PLEKHA6: variants seen among roughly 807,000 people sequenced by gnomAD.
PLEKHA6 encodes the protein pleckstrin homology domain-containing family A member 6.
Under a neutral mutation model 116.7 loss-of-function variants are expected in PLEKHA6, and 60 were observed. The ratio of observed to expected loss-of-function variants is 0.51; its 90% CI spans 0.42 to 0.64. The LOEUF is 0.64. Ranked by LOEUF, PLEKHA6 falls within the 30% of genes least tolerant of loss-of-function variation. The pLI, the probability that PLEKHA6 is intolerant of heterozygous loss-of-function variation, is 0.00. For missense variants in PLEKHA6, 1,338 were observed against 1,422.7 expected (o/e 0.94, Z 0.96); for synonymous variants, 489 against 556.1 (o/e 0.88, Z 1.70).
intron 21 of PLEKHA6, among the ~76,000 whole-genome samples, chr1:204,226,897 C>T (rs1274823580): frequency 6.6e-6 from 1 of 152,238 alleles, no homozygotes; most frequent in Non-Finnish European, 1.5e-5. Flanking sequence ...CACAGCGCTA[C>T]TGCTACTGTC....
At chr1:204,312,720 A>C (rs553576695) in intron 1 of PLEKHA6, among the ~76,000 whole-genome samples, 8 of 152,212 alleles carry the variant, frequency 5.3e-5, no homozygotes, top group Non-Finnish European at 1.0e-4. Flanking sequence ...TGCTGGGGAC[A>C]GGCACAGAAG....
intron 1 of PLEKHA6, among the ~76,000 whole-genome samples, chr1:204,326,619 C>T (rs1672253352): frequency 6.6e-6 from 1 of 152,206 alleles, no homozygotes; most frequent in Admixed American, 6.5e-5. Flanking sequence ...ATCATTGAGC[C>T]TTACACCCTC....
At chr1:204,321,613 C>T (rs994630695) in intron 1 of PLEKHA6, among the ~76,000 whole-genome samples, 8 of 152,022 alleles carry the variant, frequency 5.3e-5, no homozygotes, top group Non-Finnish European at 8.8e-5. Context: ...CCTGACCCTA[C>T]AGCCACTTTT....
At chr1:204,361,894 G>A (rs1673568086), upstream of PLEKHA6, among the ~76,000 whole-genome samples, 1 of 152,342 alleles carries the variant, frequency 6.6e-6, no homozygotes, top group East Asian at 1.9e-4. Flanking sequence ...GGGGGACAGA[G>A]ACCCCAGCCC....
intron 6 of PLEKHA6, among the ~76,000 whole-genome samples, chr1:204,264,313 C>T (rs762643243): frequency 5.9e-5 from 9 of 152,130 alleles, no homozygotes; most frequent in Non-Finnish European, 8.8e-5. Flanking sequence ...ACATCTTTAA[C>T]GGGTGGCTCC....
At chr1:204,372,179 C>T (rs949139685) in intron 1 of PLEKHA6, among the ~76,000 whole-genome samples, 1 of 152,180 alleles carries the variant, frequency 6.6e-6, no homozygotes, top group African/African-American at 2.4e-5. Context: ...GATTATGAAT[C>T]GAGGTTCAGA....
At chr1:204,283,425 G>A (rs1286283650) in intron 1 of PLEKHA6, among the ~76,000 whole-genome samples, 1 of 152,204 alleles carries the variant, frequency 6.6e-6, no homozygotes. Flanking sequence ...AGAGAGCAGA[G>A]GAAGAAAGGT....
chr1:204,254,525 C>T (rs1296734897), intron 9 of PLEKHA6, among the ~76,000 whole-genome samples: 3 of 152,086 alleles, frequency 2.0e-5, no homozygotes, highest in African/African-American at 4.8e-5. Flanking sequence ...TTAGATGTTT[C>T]CTCAGCTGTA....
Position 204,245,675 on chromosome 1 carries a change from C to T in PLEKHA6, c.1972G>A (p.Val658Met), listed in dbSNP as rs145603425. 7 of 1,613,732 alleles carry T rather than the reference C, an allele frequency of 4.3e-6. No individual in the cohort carries two copies. The highest frequency in any genetic ancestry group is 4.5e-5 in the East Asian group (2 of 44,894). The part of the protein sequence containing the change: ...IQKEIWRIQD[V>M]MEGLRKNNPS... ...TTGTTCTTCCTCAGCCCCTCCATCA[C>T]GTCCTGGATCCTCCAGATCTCCTTT... The change falls in exon 14 of 23, where the codon GTG becomes ATG. Residue 658 changes from valine to methionine, a missense_variant. Val to Met is a conservative substitution (Grantham distance 21, BLOSUM62 1). This residue lies in a region of PLEKHA6 where 1,136 missense variants were observed against 1,163.6 expected (regional missense o/e 0.98). Transcript: ENST00000272203.
intron 1 of PLEKHA6, among the ~76,000 whole-genome samples, chr1:204,291,709 T>C (rs987720161): frequency 1.1e-4 from 17 of 152,188 alleles, no homozygotes; most frequent in Non-Finnish European, 2.4e-4. Flanking sequence ...TTCCATTATA[T>C]AAAATTCTTA....
intron 8 of PLEKHA6, among the ~76,000 whole-genome samples, chr1:204,258,803 A>G (rs1558083649): frequency 6.6e-6 from 1 of 152,248 alleles, no homozygotes; most frequent in Non-Finnish European, 1.5e-5. Flanking sequence ...CATATAAATC[A>G]TGGCTTTAAA....
At chr1:204,226,374 G>A (rs561440361) in intron 21 of PLEKHA6, among the ~76,000 whole-genome samples, 61 of 152,312 alleles carry the variant, frequency 4.0e-4, no homozygotes, top group African/African-American at 1.4e-3. Context: ...GTTTTCATGG[G>A]ACCTTTGGCT....
At position 204,255,289 on chromosome 1, in the gene PLEKHA6, G is replaced by A. The variant is rs141546135; in HGVS notation, c.1524+2064C>T. ...TTTAGGCCCAGCCTAGAGCTCCCTCGACTCTGCGACTCCCTCCTCTCGCCA... is the reference window on the plus strand; with the variant it reads ...TTTAGGCCCAGCCTAGAGCTCCCTCAACTCTGCGACTCCCTCCTCTCGCCA... On this transcript the variant is annotated intron_variant, in intron 9 of 22. Transcript: ENST00000272203. Among the ~76,000 whole-genome samples, 200 of 152,182 alleles carry A rather than the reference G, an allele frequency of 1.3e-3. 3 individuals are homozygous for A. The highest frequency in any genetic ancestry group is 4.7e-3 in the African/African-American group (196 of 41,512).
intron 1 of PLEKHA6, chr1:204,347,310 T>C: frequency 1.2e-6 from 1 of 801,872 alleles, no homozygotes; most frequent in Non-Finnish European, 2.1e-6. Context: ...TCCCATTTGC[T>C]TTTGAAAGAA....
Position 204,257,784 on chromosome 1 carries a change from A to G in PLEKHA6, c.1093T>C (p.Tyr365His), listed in dbSNP as rs1405719266. 1 of 1,613,900 alleles carries G rather than the reference A, an allele frequency of 6.2e-7. No homozygotes were observed. The highest frequency in any genetic ancestry group is 1.3e-5 in the African/African-American group (1 of 74,916). ...CTCTCCGGCCGCACTCCTGGCGGGT[A>G]GTACTGATAATCATCGGGGTACTGG... The part of the protein sequence containing the change: ...SSQYPDDYQY[Y>H]PPGVRPESIC... Residue 365 changes from tyrosine to histidine, a missense_variant, in exon 9 of 23, where the codon TAC becomes CAC. Physicochemically the swap from Tyr to His is moderately conservative, Grantham distance 83 (BLOSUM62 2). Transcript: ENST00000272203. This position sits in a 1 kb window ranked among gnomAD's most constrained non-coding sequence, Gnocchi z 6.5.
At chr1:204,334,912 A>G (rs1484180348) in intron 1 of PLEKHA6, among the ~76,000 whole-genome samples, 2 of 152,100 alleles carry the variant, frequency 1.3e-5, no homozygotes, top group Admixed American at 1.3e-4. Flanking sequence ...ATAAAATAAA[A>G]TAAAATAAAA....
At chr1:204,332,702 A>G (rs1471474770) in intron 1 of PLEKHA6, among the ~76,000 whole-genome samples, 1 of 152,098 alleles carries the variant, frequency 6.6e-6, no homozygotes, top group Non-Finnish European at 1.5e-5. Context: ...TTTAGGCACT[A>G]AGGAAACAGG....
At chr1:204,251,887 C>T (rs1041070753) in intron 9 of PLEKHA6, among the ~76,000 whole-genome samples, 3 of 152,164 alleles carry the variant, frequency 2.0e-5, no homozygotes, top group African/African-American at 7.2e-5. Flanking sequence ...CCCAGGGTGC[C>T]TGGCTGTTGT....
At chr1:204,285,553 G>A (rs1050674542) in intron 1 of PLEKHA6, among the ~76,000 whole-genome samples, 14 of 151,572 alleles carry the variant, frequency 9.2e-5, no homozygotes, top group African/African-American at 2.7e-4. Flanking sequence ...TTGGCTCACC[G>A]CAGGCTCCGC....
Sources: gnomAD v4.1 joint callset for allele counts (sites outside exome capture counted in the v4.1 genomes callset) on GRCh38, gnomAD v4.1.1 for gene constraint, gnomAD v4.1.1 regional missense constraint, Gnocchi (gnomAD v3.1) non-coding constraint, MANE v1.5 for transcripts, NCBI Gene and HGNC (gene_info 2026-07-23, HGNC 2026-07-21) for gene names.